The following SMAD4 variants were observed in gnomAD, a reference collection of about 807,000 sequenced individuals.
SMAD4 encodes MAD homolog 4.
SMAD4 carries 7 observed loss-of-function variants against 63.2 expected under a neutral mutation model. The observed-to-expected ratio is 0.11, with a 90% CI of 0.06 to 0.21. SMAD4 has a LOEUF of 0.21. SMAD4 is among the 10% of genes least tolerant of loss of function. The pLI, the probability that SMAD4 is intolerant of heterozygous loss-of-function variation, is 1.00. For synonymous variants in SMAD4, 215 were observed against 235.4 expected (o/e 0.91, Z 0.79); for missense variants, 312 against 693.8 (o/e 0.45, Z 6.18).
intron 10 of SMAD4, among the ~76,000 whole-genome samples, chr18:51,071,773 A>G (rs759930533): frequency 2.0e-5 from 3 of 151,974 alleles, no homozygotes; most frequent in Non-Finnish European, 4.4e-5. Context: ...TTTAACTATC[A>G]CCCCCAAATC....
chr18:51,074,151 A>T (rs1318373394), intron 10 of SMAD4, among the ~76,000 whole-genome samples: 1 of 150,556 alleles, frequency 6.6e-6, no homozygotes. Flanking sequence ...AGGTAGGAGG[A>T]TTGCTTGAGC....
At chr18:51,065,083 GTTC>G (rs1274929882) in intron 8 of SMAD4, among the ~76,000 whole-genome samples, 1 of 152,016 alleles carries the variant, frequency 6.6e-6, no homozygotes, top group African/African-American at 2.4e-5. Context: ...GATTATTTCT[GTTC>G]TTTAAATTCT....
intron 8 of SMAD4, among the ~76,000 whole-genome samples, chr18:51,061,358 T>C (rs1330204586): frequency 3.9e-5 from 6 of 152,186 alleles, no homozygotes; most frequent in Non-Finnish European, 8.8e-5. Context: ...AATCCCCCAC[T>C]ACCTTTCCCA....
chr18:51,071,391 TC>T (rs1282484303), intron 10 of SMAD4, among the ~76,000 whole-genome samples: 1 of 152,172 alleles, frequency 6.6e-6, no homozygotes, highest in East Asian at 1.9e-4. Flanking sequence ...GTGGTTTTTT[TC>T]ACCCTTCTAA....
chr18:51,037,139 G>A (rs1909230721), intron 1 of SMAD4, among the ~76,000 whole-genome samples: 1 of 152,188 alleles, frequency 6.6e-6, no homozygotes, highest in South Asian at 2.1e-4. Context: ...AGCTGAGATT[G>A]TGCCACTGCA....
rs552743859 is a variant in SMAD4, at chr18:51,034,089, A to G, written c.-128+3466A>G. Among the ~76,000 whole-genome samples the G allele has an allele frequency of 3.0e-4, 46 of 152,278 alleles. 1 individual carries two copies. Among genetic ancestry groups the G allele is most frequent in the African/African-American group, 1.0e-3 (43 of 41,570 alleles). On this transcript the variant is annotated intron_variant, in intron 1 of 11. Transcript: ENST00000342988. Reference sequence around the variant, plus strand: ...CCAAAGACTGTATTTCATTATTTATATTCCAAATGAGAATTTTTTGCAGTT... The same window carrying G: ...CCAAAGACTGTATTTCATTATTTATGTTCCAAATGAGAATTTTTTGCAGTT...
Position 51,083,325 on chromosome 18 carries a change from A to T in SMAD4, c.*4858A>T. On this transcript the variant is annotated 3_prime_UTR_variant, in exon 12 of 12. Transcript: ENST00000342988. ...CCTTACTCCTGTACAGATATTTTTGACCTATAGGTGCCTTTATGAGAATTG... is the reference window on the plus strand; with the variant it reads ...CCTTACTCCTGTACAGATATTTTTGTCCTATAGGTGCCTTTATGAGAATTG... The T allele has an allele frequency of 4.4e-6, 1 of 228,184 alleles. No individual in the cohort carries two copies. The highest frequency in any genetic ancestry group is 8.7e-6 in the Non-Finnish European group (1 of 114,972). The allele number at this position is 228,184 out of a possible 1,614,324, so 14.1% of individuals were successfully genotyped here.
At position 51,083,414 on chromosome 18, in the gene SMAD4, C is replaced by T. The variant is rs1910656773; in HGVS notation, c.*4947C>T. 4.4e-6 allele frequency: 1 copy of T among 228,400 alleles called. No individual in the cohort carries two copies. Among genetic ancestry groups the T allele is most frequent in the Non-Finnish European group, 8.7e-6 (1 of 115,288 alleles). The allele number at this position is 228,400 out of a possible 1,614,324, so 14.1% of individuals were successfully genotyped here. On this transcript the variant is annotated 3_prime_UTR_variant, in exon 12 of 12. Transcript: ENST00000342988. ...TTGCTAGTGTTTTCAGGGATTTTAA[C>T]ATCAGACTGGAATGAATGAATGAAA...
chr18:51,048,535 T>C (rs1909613035), intron 2 of SMAD4, 151 bp from the exon 3 acceptor site: 1 of 731,914 alleles, frequency 1.4e-6, no homozygotes, highest in South Asian at 1.5e-5. Flanking sequence ...ATGTATGACA[T>C]GGCCAAGTTA....
At position 51,083,310 on chromosome 18, in the gene SMAD4, G is replaced by T. The variant is rs1910654097; in HGVS notation, c.*4843G>T. 1 of 227,778 alleles carries T rather than the reference G, an allele frequency of 4.4e-6. No individual in the cohort carries two copies. Among genetic ancestry groups the T allele is most frequent in the African/African-American group, 2.2e-5 (1 of 45,028 alleles). The allele number at this position is 227,778 out of a possible 1,614,324, so 14.1% of individuals were successfully genotyped here. A position where few individuals can be genotyped will look rare whatever the true frequency, so the allele number is the denominator to read the frequency against. ...AGCCCTGCCTTCTGGCCTTACTCCTGTACAGATATTTTTGACCTATAGGTG... is the reference window on the plus strand; with the variant it reads ...AGCCCTGCCTTCTGGCCTTACTCCTTTACAGATATTTTTGACCTATAGGTG... On this transcript the variant is annotated 3_prime_UTR_variant, in exon 12 of 12. Coordinates refer to ENST00000342988, the MANE Select transcript of SMAD4 (RefSeq NM_005359.6).
intron 4 of SMAD4, 61 bp from the exon 5 acceptor site, chr18:51,054,719 GA>G: frequency 1.7e-6 from 2 of 1,158,906 alleles, no homozygotes; most frequent in African/African-American, 1.5e-5. Context: ...TTGCTAATAA[GA>G]TTTTTTTTTC....
At chr18:51,036,621 A>G (rs987283781) in intron 1 of SMAD4, among the ~76,000 whole-genome samples, 9 of 152,208 alleles carry the variant, frequency 5.9e-5, no homozygotes, top group Admixed American at 1.3e-4. Flanking sequence ...TACAACTTCT[A>G]TATAATTAGT....
intron 1 of SMAD4, among the ~76,000 whole-genome samples, chr18:51,043,023 AACTT>A (rs1476738941): frequency 1.3e-5 from 2 of 152,330 alleles, no homozygotes; most frequent in East Asian, 3.9e-4. Context: ...TATACATTCT[AACTT>A]AGTTGGCATG....
At chr18:51,053,779 A>C (rs1300054792) in intron 4 of SMAD4, 1 of 152,164 alleles carries the variant, frequency 6.6e-6, no homozygotes, top group Non-Finnish European at 1.5e-5. Context: ...TTCTTAATGA[A>C]AAAGGGAATG....
chr18:51,037,358 A>G (rs1909237504), intron 1 of SMAD4, among the ~76,000 whole-genome samples: 2 of 152,226 alleles, frequency 1.3e-5, no homozygotes, highest in Admixed American at 6.5e-5. Context: ...TTTCATAATG[A>G]AACTGAGACG....
intron 10 of SMAD4, among the ~76,000 whole-genome samples, chr18:51,074,236 C>G (rs1910413111): frequency 6.6e-6 from 1 of 151,038 alleles, no homozygotes; most frequent in African/African-American, 2.4e-5. Flanking sequence ...AAAAAATTAG[C>G]CAGGCATGGT....
At chr18:51,032,713 ACAT>A (rs1223690981) in intron 1 of SMAD4, among the ~76,000 whole-genome samples, 1 of 152,030 alleles carries the variant, frequency 6.6e-6, no homozygotes, top group African/African-American at 2.4e-5. Context: ...TGTTATAGTA[ACAT>A]CATTAGACAC....
rs1910569935 is a variant in SMAD4, at chr18:51,079,964, G to GT, written c.*1497_*1498insT. 1 of 227,200 alleles carries GT rather than the reference G, an allele frequency of 4.4e-6. No individual in the cohort carries two copies. Among genetic ancestry groups the GT allele is most frequent in the East Asian group, 6.2e-5 (1 of 16,088 alleles). 14.1% of individuals were successfully genotyped at this position (227,200 alleles called of 1,614,324 possible). A position where few individuals can be genotyped will look rare whatever the true frequency, so the allele number is the denominator to read the frequency against. Reference sequence around the variant, plus strand: ...GACATTGTGTATCATGTGTAGAGTTGGTTTTTTTTTTTTTTAATTTTTATT... The same window carrying GT: ...GACATTGTGTATCATGTGTAGAGTTGTGTTTTTTTTTTTTTTAATTTTTATT... On this transcript the variant is annotated 3_prime_UTR_variant, in exon 12 of 12. Transcript: ENST00000342988.
Position 51,079,952 on chromosome 18 carries a change from A to C in SMAD4, c.*1485A>C, listed in dbSNP as rs945940123. Reference sequence around the variant, plus strand: ...GACTTCCCCATGGACATTGTGTATCATGTGTAGAGTTGGTTTTTTTTTTTT... The same window carrying C: ...GACTTCCCCATGGACATTGTGTATCCTGTGTAGAGTTGGTTTTTTTTTTTT... On this transcript the variant is annotated 3_prime_UTR_variant, in exon 12 of 12. Coordinates refer to ENST00000342988, the MANE Select transcript of SMAD4 (RefSeq NM_005359.6). 2.2e-5 allele frequency: 5 copies of C among 230,436 alleles called. No homozygotes were observed. Among genetic ancestry groups the C allele is most frequent in the Non-Finnish European group, 2.6e-5 (3 of 117,108 alleles). 14.3% of individuals were successfully genotyped at this position (230,436 alleles called of 1,614,324 possible).
Sources: gnomAD v4.1 joint callset for allele counts (sites outside exome capture counted in the v4.1 genomes callset) on GRCh38, gnomAD v4.1.1 for gene constraint, MANE v1.5 for transcripts, NCBI Gene and HGNC (gene_info 2026-07-23, HGNC 2026-07-21) for gene names.